Variants in BRD4 observed in about 807,000 individuals in gnomAD.
The protein encoded by BRD4 is bromodomain-containing protein 4.
In BRD4, 16 loss-of-function variants were observed where a neutral mutation model predicts 142.1. That is an observed-to-expected ratio of 0.11 (90% confidence interval 0.08 to 0.17). The LOEUF (loss-of-function observed/expected upper bound fraction) is 0.17, where lower values mean the gene tolerates loss of function less well. Ranked by LOEUF, BRD4 falls within the 10% of genes least tolerant of loss-of-function variation. The probability of loss-of-function intolerance (pLI) is 1.00; values close to 1 mark genes in which losing one functional copy is unlikely to be tolerated. For missense variants in BRD4, 1,424 were observed against 1,810.9 expected (o/e 0.79, Z 3.88); for synonymous variants, 833 against 707.5 (o/e 1.18, Z -2.82).
intron 1 of BRD4, among the ~76,000 whole-genome samples, chr19:15,281,873 C>G (rs1238959405): frequency 6.6e-6 from 1 of 152,094 alleles, no homozygotes; most frequent in Non-Finnish European, 1.5e-5. Context: ...AAAAAATTAG[C>G]CAGGCATGGC....
chr19:15,330,653 G>A (rs1316910753), intron 1 of BRD4, among the ~76,000 whole-genome samples: 1 of 152,116 alleles, frequency 6.6e-6, no homozygotes, highest in Non-Finnish European at 1.5e-5. Flanking sequence ...TGTAGTCCCA[G>A]CTACTCGAGA....
intron 1 of BRD4, among the ~76,000 whole-genome samples, chr19:15,308,115 C>CA (rs57642262): frequency 0.42 from 8,822 of 21,148 alleles, 2,085 homozygotes; most frequent in Middle Eastern, 0.69. Context: ...GACTCCGTCT[C>CA]AAAAAAAAAA....
chr19:15,282,265 A>C (rs542563652), intron 1 of BRD4, among the ~76,000 whole-genome samples: 1 of 152,370 alleles, frequency 6.6e-6, no homozygotes, highest in South Asian at 2.1e-4. Context: ...CATAGTTTGC[A>C]GCCCATTCCA....
rs1474460031 is a variant in BRD4, at chr19:15,239,714, C to A, written c.3390G>T (p.Arg1130=). Residue 1130 remains arginine, a synonymous_variant, in exon 16 of 20, where the codon CGG becomes CGT. Transcript: ENST00000679869. The surrounding 1 kb of genome is among the most constrained non-coding windows in gnomAD (Gnocchi z 7.4). The part of the protein sequence containing the change: ...IRSEPFSPSL[R]PEPPKHPESI... ...TCTCCGGGTGCTTGGGGGGCTCCGG[C>A]CGCAGCGAGGGGCTGAAGGGCTCGC... 1 of 1,597,278 alleles carries A rather than the reference C, an allele frequency of 6.3e-7. No homozygotes were observed. Among genetic ancestry groups the A allele is most frequent in the Non-Finnish European group, 8.5e-7 (1 of 1,177,792 alleles).
chr19:15,309,308 A>ACTGTACTGTC, intron 1 of BRD4, among the ~76,000 whole-genome samples: 1 of 143,670 alleles, frequency 7.0e-6, no homozygotes, highest in Non-Finnish European at 1.5e-5. Flanking sequence ...ACTGTACTCC[A>ACTGTACTGTC]GCCTGGGCGA....
At chr19:15,246,849 AGGC>A (rs2047292159) in intron 11 of BRD4, among the ~76,000 whole-genome samples, 1 of 152,118 alleles carries the variant, frequency 6.6e-6, no homozygotes, top group African/African-American at 2.4e-5. Flanking sequence ...GGGGGAGAGA[AGGC>A]GGCATGTGCA....
chr19:15,238,068 G>A lies in BRD4; in HGVS notation c.*309C>T, dbSNP rs2047208035. ...ATACTGTGTAGACATTTGGCGGAGAGAAGGGCCTCTGCCCCGCATGTGGGG... is the reference window on the plus strand; with the variant it reads ...ATACTGTGTAGACATTTGGCGGAGAAAAGGGCCTCTGCCCCGCATGTGGGG... On this transcript the variant is annotated 3_prime_UTR_variant, in exon 20 of 20. Transcript: ENST00000679869. The surrounding 1 kb of genome is among the most constrained non-coding windows in gnomAD (Gnocchi z 7.2). The A allele has an allele frequency of 2.3e-6, 1 of 426,544 alleles. No homozygotes were observed. Among genetic ancestry groups the A allele is most frequent in the East Asian group, 4.2e-5 (1 of 23,970 alleles). The allele number at this position is 426,544 out of a possible 1,614,324, so 26.4% of individuals were successfully genotyped here.
chr19:15,243,489 TG>T lies in BRD4; in HGVS notation c.2582-3del. 1.3e-6 allele frequency: 2 copies of T among 1,553,438 alleles called. No individual in the cohort carries two copies. Among genetic ancestry groups the T allele is most frequent in the Non-Finnish European group, 8.7e-7 (1 of 1,153,512 alleles). ...GCTGGGGTAGTGCGTTGTGCAAAGC[TG>T]GAAGAACACAACACCGAGGCGGTGA... On this transcript the variant is annotated splice_polypyrimidine_tract_variant and splice_region_variant and intron_variant, in intron 13 of 19. Coordinates refer to ENST00000679869, the MANE Select transcript of BRD4 (RefSeq NM_001379291.1).
chr19:15,318,725 C>T (rs34100721), intron 1 of BRD4, among the ~76,000 whole-genome samples: 27,005 of 152,162 alleles, frequency 0.18, 2,463 homozygotes, highest in Middle Eastern at 0.21. Flanking sequence ...AGCAAAGGCT[C>T]CATACCAACA....
chr19:15,250,293 C>G (rs2145544234), intron 11 of BRD4, among the ~76,000 whole-genome samples: 1 of 152,334 alleles, frequency 6.6e-6, no homozygotes, highest in East Asian at 1.9e-4. Flanking sequence ...CAAGTCTCTT[C>G]CTACTCCCCC....
intron 1 of BRD4, among the ~76,000 whole-genome samples, chr19:15,289,655 G>A (rs766226378): frequency 6.6e-6 from 1 of 151,082 alleles, no homozygotes; most frequent in Admixed American, 6.6e-5. Context: ...AAGTAATTGC[G>A]GTTTTGATCC....
At chr19:15,330,594 G>A (rs976725205) in intron 1 of BRD4, among the ~76,000 whole-genome samples, 3 of 151,922 alleles carry the variant, frequency 2.0e-5, no homozygotes, top group African/African-American at 4.8e-5. Context: ...GGTGAAACCC[G>A]CGTCTCTCCT....
intron 1 of BRD4, among the ~76,000 whole-genome samples, chr19:15,315,649 G>A (rs936167617): frequency 7.2e-5 from 11 of 152,126 alleles, no homozygotes; most frequent in African/African-American, 2.2e-4. Context: ...GAGATCAGAA[G>A]TTAAAGACCA....
chr19:15,254,076 T>C (rs2047379520), intron 11 of BRD4, 76 bp downstream of exon 11: 2 of 1,282,838 alleles, frequency 1.6e-6, no homozygotes, highest in Admixed American at 3.6e-5. Context: ...TCTAGCATCC[T>C]GGACACAGGA....
intron 1 of BRD4, among the ~76,000 whole-genome samples, chr19:15,273,789 A>C (rs1268780916): frequency 6.6e-6 from 1 of 151,976 alleles, no homozygotes; most frequent in Non-Finnish European, 1.5e-5. Context: ...TAAAATAAAA[A>C]TGAATCCATA....
Position 15,272,800 on chromosome 19 carries a change from G to A in BRD4, c.285+15C>T. 1 of 1,609,300 alleles carries A rather than the reference G, an allele frequency of 6.2e-7. No individual in the cohort carries two copies. Among genetic ancestry groups the A allele is most frequent in the Non-Finnish European group, 8.5e-7 (1 of 1,176,748 alleles). On this transcript the variant is annotated intron_variant, in intron 2 of 19. Coordinates refer to ENST00000679869, the MANE Select transcript of BRD4 (RefSeq NM_001379291.1). ...CTCCAGGACGGCCACCCTGGGCCCT[G>A]CCCACACTACTCACAGGGAGGTTCA...
intron 1 of BRD4, among the ~76,000 whole-genome samples, chr19:15,286,543 G>A (rs1356888406): frequency 6.6e-6 from 1 of 152,168 alleles, no homozygotes; most frequent in Non-Finnish European, 1.5e-5. Flanking sequence ...GAGAAAGCAG[G>A]TATGCTTACC....
Position 15,293,769 on chromosome 19 carries a change from T to C in BRD4, c.-34-20636A>G, listed in dbSNP as rs140334078. ...TCATCATTATCCTCCTCTGGAACTT[T>C]TGCATCATTCCAAAAAGAAACTCTA... On this transcript the variant is annotated intron_variant, in intron 1 of 19. Coordinates refer to ENST00000679869, the MANE Select transcript of BRD4 (RefSeq NM_001379291.1). 1.1e-4 allele frequency among the ~76,000 whole-genome samples: 16 copies of C among 152,336 alleles called. No individual in the cohort carries two copies. The East Asian group carries it at 2.5e-3, about 24-fold the overall frequency.
chr19:15,242,192 A>G (rs975716834), intron 14 of BRD4, among the ~76,000 whole-genome samples: 1 of 150,054 alleles, frequency 6.7e-6, no homozygotes, highest in Non-Finnish European at 1.5e-5. Context: ...CACCCGGTAC[A>G]CACCCAAGAC....
Sources: gnomAD v4.1 joint callset for allele counts (sites outside exome capture counted in the v4.1 genomes callset) on GRCh38, gnomAD v4.1.1 for gene constraint, Gnocchi (gnomAD v3.1) non-coding constraint, MANE v1.5 for transcripts, NCBI Gene and HGNC (gene_info 2026-07-23, HGNC 2026-07-21) for gene names.